ARHGEF26: variants seen among roughly 807,000 people sequenced by gnomAD.
ARHGEF26 encodes Rho guanine nucleotide exchange factor 26.
ARHGEF26 carries 59 observed loss-of-function variants against 89.4 expected under a neutral mutation model. The ratio of observed to expected loss-of-function variants is 0.66; its 90% confidence interval spans 0.54 to 0.82. The LOEUF is 0.82. ARHGEF26 is among the 40% of genes least tolerant of loss of function. ARHGEF26 has a pLI of 0.00. For missense variants in ARHGEF26, 1,234 were observed against 1,085.6 expected (o/e 1.14, Z -1.92); for synonymous variants, 500 against 428.4 (o/e 1.17, Z -2.06).
chr3:154,229,218 A>C (rs1716686477), intron 11 of ARHGEF26, among the ~76,000 whole-genome samples: 1 of 151,748 alleles, frequency 6.6e-6, no homozygotes, highest in African/African-American at 2.4e-5. Flanking sequence ...TTTTTTTTTT[A>C]GAGACGGGAC....
chr3:154,161,157 C>T (rs1468624304), intron 6 of ARHGEF26, among the ~76,000 whole-genome samples: 2 of 150,424 alleles, frequency 1.3e-5, no homozygotes, highest in East Asian at 1.9e-4. Context: ...CACTTTGTCC[C>T]TTTTCTGTCA....
In ARHGEF26 at chr3:154,226,697, C is replaced by CACACACACACACACA. The variant is rs1559912631; in HGVS notation, c.2090+687_2090+688insACACACACACACACA. On this transcript the variant is annotated intron_variant, in intron 11 of 14. Transcript: ENST00000465093. ...CACACACACACACACACACACACAC[C>CACACACACACACACA]CCTTCAGCTCTGCCTTTCTCTAGGG... is the stretch of plus-strand genomic sequence containing the variant. 2.3e-3 allele frequency among the ~76,000 whole-genome samples: 276 copies of CACACACACACACACA among 119,852 alleles called. 2 individuals carry two copies. The highest frequency in any genetic ancestry group is 7.2e-3 in the African/African-American group (264 of 36,602). 78.6% of individuals were successfully genotyped at this position (119,852 alleles called of 152,430 possible).
At chr3:154,223,853 T>C (rs569916441) in intron 10 of ARHGEF26, among the ~76,000 whole-genome samples, 11 of 152,314 alleles carry the variant, frequency 7.2e-5, no homozygotes, top group Admixed American at 6.5e-4. Context: ...TTTCATGTTA[T>C]GTAAATTTTA....
chr3:154,186,024 A>G (rs1253118822), intron 6 of ARHGEF26, among the ~76,000 whole-genome samples: 2 of 152,166 alleles, frequency 1.3e-5, no homozygotes, highest in East Asian at 1.9e-4. Flanking sequence ...TGGGAGGGAA[A>G]GGATCATTTC....
intron 9 of ARHGEF26, among the ~76,000 whole-genome samples, chr3:154,197,971 T>C (rs954444141): frequency 6.6e-6 from 1 of 152,168 alleles, no homozygotes; most frequent in African/African-American, 2.4e-5. Flanking sequence ...AACTCTGACC[T>C]CATCAAAATT....
intron 9 of ARHGEF26, among the ~76,000 whole-genome samples, chr3:154,216,347 A>G (rs1715722782): frequency 1.3e-5 from 2 of 151,944 alleles, no homozygotes; most frequent in Non-Finnish European, 2.9e-5. Context: ...AAAGTCCTTT[A>G]TAGATAATTT....
intron 3 of ARHGEF26, among the ~76,000 whole-genome samples, chr3:154,126,693 C>G (rs1718350174): frequency 6.6e-6 from 1 of 152,196 alleles, no homozygotes; most frequent in African/African-American, 2.4e-5. Context: ...TTTGGACTGT[C>G]TGGCTCATGT....
At chr3:154,230,257 T>TCA (rs1246884348) in intron 11 of ARHGEF26, among the ~76,000 whole-genome samples, 2 of 152,198 alleles carry the variant, frequency 1.3e-5, no homozygotes, top group East Asian at 3.8e-4. Context: ...ATTTATTGTC[T>TCA]CACAGTTCTG....
chr3:154,253,239 C>G (rs879842334), intron 13 of ARHGEF26, 56 bp downstream of exon 13: 6 of 1,593,888 alleles, frequency 3.8e-6, no homozygotes, highest in Non-Finnish European at 5.2e-6. Context: ...CTGCCCCCTG[C>G]TGGACGCCGG....
At chr3:154,168,307 T>C (rs1280676753) in intron 6 of ARHGEF26, among the ~76,000 whole-genome samples, 1 of 152,084 alleles carries the variant, frequency 6.6e-6, no homozygotes, top group African/African-American at 2.4e-5. Context: ...CTGTACACGT[T>C]GGCTCACGTC....
intron 6 of ARHGEF26, among the ~76,000 whole-genome samples, chr3:154,180,478 C>T (rs572649192): frequency 4.6e-5 from 7 of 151,092 alleles, no homozygotes; most frequent in Admixed American, 4.0e-4. Flanking sequence ...TGTTCCACCA[C>T]TTCTCAGTTG....
intron 11 of ARHGEF26, among the ~76,000 whole-genome samples, chr3:154,231,465 T>G (rs1280595713): frequency 6.6e-6 from 1 of 152,174 alleles, no homozygotes; most frequent in Non-Finnish European, 1.5e-5. Context: ...TAACATCATC[T>G]TCATCATGGA....
intron 4 of ARHGEF26, among the ~76,000 whole-genome samples, chr3:154,139,920 C>T (rs1208111643): frequency 6.6e-6 from 1 of 152,152 alleles, no homozygotes; most frequent in African/African-American, 2.4e-5. Flanking sequence ...GTATTATTGA[C>T]AGTAAAATAA....
rs1718461518 is a variant in ARHGEF26 at position 154,255,788 on chromosome 3, CATATT to C, written c.*320_*324del. On this transcript the variant is annotated 3_prime_UTR_variant, in exon 15 of 15. Coordinates refer to ENST00000465093, the MANE Select transcript of ARHGEF26 (RefSeq NM_015595.4). ...CACCATGTTCTGGCAATAAAAAACACATATTATATCCTGGTTTTCTCTATCCTTGC... is the reference window on the plus strand; with the variant it reads ...CACCATGTTCTGGCAATAAAAAACACATATCCTGGTTTTCTCTATCCTTGC... 8.9e-7 allele frequency: 1 copy of C among 1,124,600 alleles called. No individual in the cohort carries two copies. Among genetic ancestry groups the C allele is most frequent in the Middle Eastern group, 3.9e-4 (1 of 2,554 alleles). 69.7% of individuals were successfully genotyped at this position (1,124,600 alleles called of 1,614,324 possible).
chr3:154,220,861 C>A (rs779399656), intron 10 of ARHGEF26, among the ~76,000 whole-genome samples: 1 of 151,422 alleles, frequency 6.6e-6, no homozygotes, highest in Non-Finnish European at 1.5e-5. Context: ...GGAAAAAGAC[C>A]ATGAAAAAAG....
chr3:154,158,731 A>G (rs555522913), intron 6 of ARHGEF26, among the ~76,000 whole-genome samples: 7 of 152,282 alleles, frequency 4.6e-5, no homozygotes, highest in African/African-American at 1.7e-4. Flanking sequence ...AGAAATGAAT[A>G]GGCTTAATTC....
At chr3:154,172,802 T>G (rs539516415) in intron 6 of ARHGEF26, among the ~76,000 whole-genome samples, 2 of 152,322 alleles carry the variant, frequency 1.3e-5, no homozygotes, top group South Asian at 4.1e-4. Flanking sequence ...TCTTATAAAA[T>G]AAACATCCAA....
chr3:154,191,371 C>T lies in ARHGEF26; in HGVS notation c.1723C>T (p.Leu575Phe). ...DCRNLPMISF[L>F]ILPMQRVTRL... Reference sequence around the variant, plus strand: ...TAGGAACTTACCCATGATCTCTTTTCTCATTCTCCCCATGCAGAGGGTGAC... The same window carrying T: ...TAGGAACTTACCCATGATCTCTTTTTTCATTCTCCCCATGCAGAGGGTGAC... The change falls in exon 8 of 15, where the codon CTC becomes TTC. Residue 575 changes from leucine to phenylalanine, a missense_variant. By Grantham distance (22) the Leu-to-Phe change is conservative (BLOSUM62 0). Coordinates refer to ENST00000465093, the MANE Select transcript of ARHGEF26 (RefSeq NM_015595.4). The T allele has an allele frequency of 6.2e-7, 1 of 1,613,914 alleles. No homozygotes were observed. Among genetic ancestry groups the T allele is most frequent in the Non-Finnish European group, 8.5e-7 (1 of 1,179,850 alleles).
chr3:154,250,571 T>A (rs915845577), intron 12 of ARHGEF26, among the ~76,000 whole-genome samples: 3 of 152,218 alleles, frequency 2.0e-5, no homozygotes, highest in Non-Finnish European at 4.4e-5. Context: ...GGAAACTGGC[T>A]GTAGGGCAAA....
Sources: gnomAD v4.1 joint callset for allele counts (sites outside exome capture counted in the v4.1 genomes callset) on GRCh38, gnomAD v4.1.1 for gene constraint, MANE v1.5 for transcripts, NCBI Gene and HGNC (gene_info 2026-07-23, HGNC 2026-07-21) for gene names.